MSI2: variants seen among roughly 807,000 people sequenced by gnomAD.
The protein encoded by MSI2 is musashi RNA binding protein 2.
Under a neutral mutation model 45.6 loss-of-function variants are expected in MSI2, and 17 were observed. The ratio of observed to expected loss-of-function variants is 0.37; its 90% CI spans 0.26 to 0.56. MSI2 has a LOEUF of 0.56. MSI2 is among the 20% of genes least tolerant of loss of function. The pLI is 0.77. For missense variants in MSI2, 293 were observed against 444.2 expected (o/e 0.66, Z 3.06); for synonymous variants, 156 against 158.2 (o/e 0.99, Z 0.11).
chr17:57,298,075 A>G (rs982321300), intron 5 of MSI2, among the ~76,000 whole-genome samples: 12 of 152,118 alleles, frequency 7.9e-5, no homozygotes, highest in Admixed American at 3.3e-4. Flanking sequence ...ATAAGTCACA[A>G]ATTTTTTAAT....
intron 5 of MSI2, among the ~76,000 whole-genome samples, chr17:57,383,000 G>A (rs905151434): frequency 3.3e-5 from 5 of 152,166 alleles, no homozygotes; most frequent in Admixed American, 2.6e-4. Context: ...ACACAGAGAA[G>A]GTTTGAGGAA....
At chr17:57,600,973 C>T (rs1444354981) in intron 8 of MSI2, 1 of 152,244 alleles carries the variant, frequency 6.6e-6, no homozygotes, top group Non-Finnish European at 1.5e-5. Context: ...AAATGGCAGC[C>T]CCAGAATTCG....
chr17:57,625,670 C>G (rs1177382759), intron 9 of MSI2: 1 of 152,206 alleles, frequency 6.6e-6, no homozygotes, highest in Non-Finnish European at 1.5e-5. Context: ...TGTCATAAGT[C>G]CACTCATCAA....
At chr17:57,667,551 G>C (rs557347030) in intron 11 of MSI2, among the ~76,000 whole-genome samples, 1 of 152,150 alleles carries the variant, frequency 6.6e-6, no homozygotes, top group East Asian at 1.9e-4. Flanking sequence ...CAGGGCCCCA[G>C]TGACTGCCTC....
At chr17:57,640,264 G>A (rs565230198) in intron 10 of MSI2, among the ~76,000 whole-genome samples, 2 of 152,242 alleles carry the variant, frequency 1.3e-5, no homozygotes, top group South Asian at 4.1e-4. Context: ...CTGGCCCTCC[G>A]CAAGCCCTTG....
chr17:57,661,984 C>T (rs1440376033), intron 11 of MSI2, among the ~76,000 whole-genome samples: 2 of 152,178 alleles, frequency 1.3e-5, no homozygotes, highest in Non-Finnish European at 2.9e-5. Flanking sequence ...CATGTGTCTG[C>T]GGGTGGCACC....
chr17:57,648,899 C>G (rs565836568), intron 10 of MSI2, among the ~76,000 whole-genome samples: 1 of 152,172 alleles, frequency 6.6e-6, no homozygotes, highest in African/African-American at 2.4e-5. Flanking sequence ...GACAGTGCCA[C>G]GAGGCCACTC....
chr17:57,669,594 A>G (rs1567969065), intron 11 of MSI2, among the ~76,000 whole-genome samples: 1 of 152,204 alleles, frequency 6.6e-6, no homozygotes. Context: ...AGAGTGTGAT[A>G]ACTTTATTTA....
At chr17:57,431,214 C>A (rs2084588065) in intron 6 of MSI2, among the ~76,000 whole-genome samples, 1 of 152,192 alleles carries the variant, frequency 6.6e-6, no homozygotes, top group Admixed American at 6.5e-5. Flanking sequence ...AGGCAGGCTG[C>A]ACTCTAGGCA....
chr17:57,458,004 G>A (rs899303867), intron 6 of MSI2, among the ~76,000 whole-genome samples: 2 of 151,812 alleles, frequency 1.3e-5, no homozygotes, highest in African/African-American at 4.8e-5. Flanking sequence ...TTTATCAACT[G>A]GGCATATACA....
At chr17:57,560,716 T>C (rs1394085195) in intron 7 of MSI2, among the ~76,000 whole-genome samples, 2 of 152,250 alleles carry the variant, frequency 1.3e-5, no homozygotes, top group East Asian at 3.8e-4. Context: ...AATGCTGCTA[T>C]TATTAACAAT....
At chr17:57,434,761 C>CATAT (rs71139992) in intron 6 of MSI2, among the ~76,000 whole-genome samples, 28 of 150,754 alleles carry the variant, frequency 1.9e-4, no homozygotes, top group South Asian at 8.4e-4. Context: ...CTGAGTAGTG[C>CATAT]ATATATATAT....
intron 11 of MSI2, among the ~76,000 whole-genome samples, chr17:57,670,291 C>T (rs1373476052): frequency 6.6e-6 from 1 of 152,190 alleles, no homozygotes; most frequent in Non-Finnish European, 1.5e-5. Context: ...ACTTCCCTAC[C>T]CTCCATGCCT....
intron 8 of MSI2, among the ~76,000 whole-genome samples, chr17:57,598,907 C>T (rs1284168957): frequency 6.6e-6 from 1 of 152,212 alleles, no homozygotes; most frequent in African/African-American, 2.4e-5. Context: ...AAGTGATCCA[C>T]CTGCCTCGGC....
chr17:57,557,079 A>G (rs1345335898), intron 7 of MSI2, among the ~76,000 whole-genome samples: 1 of 152,184 alleles, frequency 6.6e-6, no homozygotes, highest in Non-Finnish European at 1.5e-5. Flanking sequence ...GATCGCCAAG[A>G]TGCCCGATAA....
intron 5 of MSI2, among the ~76,000 whole-genome samples, chr17:57,318,383 C>T (rs752760545): frequency 3.6e-4 from 55 of 152,280 alleles, no homozygotes; most frequent in Non-Finnish European, 6.0e-4. Context: ...TCTCATGGGA[C>T]CGTGTCCTGA....
chr17:57,603,315 C>T (rs535023856), intron 8 of MSI2, among the ~76,000 whole-genome samples: 32 of 152,316 alleles, frequency 2.1e-4, no homozygotes, highest in Admixed American at 3.9e-4. Context: ...GTGAGGTGCA[C>T]GTGTCCTTGT....
chr17:57,598,288 G>C (rs1905466206), intron 8 of MSI2, among the ~76,000 whole-genome samples: 1 of 152,180 alleles, frequency 6.6e-6, no homozygotes, highest in Non-Finnish European at 1.5e-5. Flanking sequence ...CATGCGTTCA[G>C]ACATGCATTG....
chr17:57,486,111 T>C (rs1209908592), intron 6 of MSI2, among the ~76,000 whole-genome samples: 1 of 152,214 alleles, frequency 6.6e-6, no homozygotes, highest in Non-Finnish European at 1.5e-5. Flanking sequence ...CTCATGCAAA[T>C]TGCTCTCTGA....
Sources: allele counts gnomAD v4.1 joint callset (sites outside exome capture counted in the v4.1 genomes callset), GRCh38; gene constraint gnomAD v4.1.1; transcripts MANE v1.5; gene names NCBI Gene and HGNC (gene_info 2026-07-23, HGNC 2026-07-21).